Variants in MITF observed in about 807,000 individuals in gnomAD.
The protein encoded by MITF is melanocyte inducing transcription factor.
A neutral mutation model predicts 60.5 loss-of-function variants in MITF; 17 were observed. The observed-to-expected ratio is 0.28, with a 90% CI of 0.19 to 0.42. MITF has a LOEUF of 0.42. Ranked by LOEUF, MITF falls within the 10% of genes least tolerant of loss-of-function variation. The pLI is 1.00. For missense variants in MITF, 622 were observed against 683.5 expected, an observed-to-expected ratio of 0.91 and a Z score of 1.00; for synonymous variants, 260 against 248.5, an observed-to-expected ratio of 1.05 and a Z score of -0.43.
In MITF at chr3:69,878,647, C is replaced by T. The variant is rs1484059313; in HGVS notation, c.105-487C>T. ...AGAAAAATTTCCTCTTGGCAAAGCT[C>T]ACCTTTTCTTTAATCAATATTTGTT... On this transcript the variant is annotated intron_variant, in intron 1 of 9. Coordinates refer to ENST00000352241, the MANE Select transcript of MITF (RefSeq NM_001354604.2). Among the ~76,000 whole-genome samples the T allele has an allele frequency of 2.6e-5, 4 of 152,124 alleles. No individual in the cohort carries two copies. The East Asian group carries it at 7.7e-4, about 29-fold the overall frequency.
At chr3:69,757,403 T>C (rs1246816645) in intron 1 of MITF, among the ~76,000 whole-genome samples, 2 of 152,198 alleles carry the variant, frequency 1.3e-5, no homozygotes, top group Non-Finnish European at 2.9e-5. Context: ...CTTTCTGTGA[T>C]TGAAACAAAA....
intron 9 of MITF, among the ~76,000 whole-genome samples, chr3:69,960,583 C>T (rs1387646111): frequency 6.6e-6 from 1 of 152,138 alleles, no homozygotes; most frequent in African/African-American, 2.4e-5. Context: ...TGAACACAAC[C>T]TATCTGTAAG....
intron 1 of MITF, chr3:69,763,552 C>G: frequency 1.7e-6 from 2 of 1,145,422 alleles, no homozygotes; most frequent in Non-Finnish European, 2.2e-6. Flanking sequence ...ATCACTCTAT[C>G]TCTAATTTAG....
chr3:69,876,689 A>AT (rs1350037235), intron 1 of MITF, among the ~76,000 whole-genome samples: 1 of 152,210 alleles, frequency 6.6e-6, no homozygotes, highest in Non-Finnish European at 1.5e-5. Context: ...GTAGGAAAAC[A>AT]TGAAGGAAAG....
intron 2 of MITF, among the ~76,000 whole-genome samples, chr3:69,924,527 A>G: frequency 6.6e-6 from 1 of 152,186 alleles, no homozygotes; most frequent in East Asian, 1.9e-4. Flanking sequence ...GGTTGTCTCA[A>G]ATTTATACGA....
intron 5 of MITF, among the ~76,000 whole-genome samples, chr3:69,946,538 C>T: frequency 6.6e-6 from 1 of 152,108 alleles, no homozygotes; most frequent in East Asian, 1.9e-4. Flanking sequence ...CTGTAAAAAG[C>T]AGTAAGATGC....
At chr3:69,940,439 C>A (rs1017130799) in intron 4 of MITF, among the ~76,000 whole-genome samples, 3 of 152,202 alleles carry the variant, frequency 2.0e-5, no homozygotes, top group Non-Finnish European at 2.9e-5. Context: ...CTGCAATGCA[C>A]ATGTAATCAC....
chr3:69,819,380 G>A (rs1056613195), intron 1 of MITF, among the ~76,000 whole-genome samples: 1 of 152,158 alleles, frequency 6.6e-6, no homozygotes, highest in South Asian at 2.1e-4. Context: ...ATTTGGAAGC[G>A]CTTAAGCTAG....
chr3:69,882,341 T>C (rs1303950315), intron 2 of MITF, among the ~76,000 whole-genome samples: 1 of 152,152 alleles, frequency 6.6e-6, no homozygotes, highest in East Asian at 1.9e-4. Flanking sequence ...TGAATTTTCC[T>C]TCATATTGAT....
chr3:69,922,516 G>A (rs899208129), intron 2 of MITF, among the ~76,000 whole-genome samples: 6 of 152,056 alleles, frequency 3.9e-5, no homozygotes, highest in African/African-American at 1.2e-4. Context: ...CACCACACCC[G>A]GCCGCCATTG....
chr3:69,812,303 A>T (rs982742420), intron 1 of MITF, among the ~76,000 whole-genome samples: 2 of 152,152 alleles, frequency 1.3e-5, no homozygotes, highest in African/African-American at 4.8e-5. Context: ...GTAATGAAAA[A>T]AAAATAGATT....
Position 69,965,876 on chromosome 3 carries a change from C to T in MITF, c.*628C>T, listed in dbSNP as rs1457110135. The T allele has an allele frequency of 8.2e-5, 19 of 230,558 alleles. No homozygotes were observed. Among genetic ancestry groups the T allele is most frequent in the African/African-American group, 2.2e-5 (1 of 45,138 alleles). The allele number at this position is 230,558 out of a possible 1,614,324, so 14.3% of individuals were successfully genotyped here. A position where few individuals can be genotyped will look rare whatever the true frequency, so the allele number is the denominator to read the frequency against. ...GTTAGAAAACATAACTGATACCAAC[C>T]GAAACTGAAGGGAGTTAGACCAAGG... On this transcript the variant is annotated 3_prime_UTR_variant, in exon 10 of 10. Transcript: ENST00000352241.
intron 1 of MITF, among the ~76,000 whole-genome samples, chr3:69,798,886 C>T (rs1391093210): frequency 6.6e-6 from 1 of 152,220 alleles, no homozygotes; most frequent in Non-Finnish European, 1.5e-5. Flanking sequence ...TTAATACACT[C>T]ATAGGTCCTG....
intron 5 of MITF, among the ~76,000 whole-genome samples, chr3:69,947,214 T>C (rs1383927815): frequency 1.3e-5 from 2 of 152,218 alleles, no homozygotes; most frequent in Non-Finnish European, 2.9e-5. Flanking sequence ...TTTTAGCTTA[T>C]TGCTTTGAAT....
At chr3:69,803,910 G>C (rs2062962846) in intron 1 of MITF, among the ~76,000 whole-genome samples, 1 of 151,334 alleles carries the variant, frequency 6.6e-6, no homozygotes, top group African/African-American at 2.4e-5. Context: ...CCCTTTTTTA[G>C]AAGTGTATAG....
intron 8 of MITF, among the ~76,000 whole-genome samples, chr3:69,958,419 G>A: frequency 6.6e-6 from 1 of 152,132 alleles, no homozygotes; most frequent in East Asian, 1.9e-4. Context: ...CCTCTTATGG[G>A]AGAACTTCTG....
At chr3:69,889,962 G>T (rs1332863049) in intron 2 of MITF, among the ~76,000 whole-genome samples, 1 of 152,060 alleles carries the variant, frequency 6.6e-6, no homozygotes, top group Non-Finnish European at 1.5e-5. Context: ...GCTCAGGAAA[G>T]GATTCTGCTC....
At chr3:69,886,633 G>C (rs1233371954) in intron 2 of MITF, among the ~76,000 whole-genome samples, 1 of 152,186 alleles carries the variant, frequency 6.6e-6, no homozygotes, top group African/African-American at 2.4e-5. Flanking sequence ...AAAGATACAT[G>C]AGCTTAAGCA....
At chr3:69,891,463 C>T (rs562858733) in intron 2 of MITF, among the ~76,000 whole-genome samples, 158 of 152,284 alleles carry the variant, frequency 1.0e-3, no homozygotes, top group African/African-American at 1.1e-3. Flanking sequence ...GCGTCCCCTG[C>T]GACCTCGTTA....
Sources: gnomAD v4.1 joint callset for allele counts (sites outside exome capture counted in the v4.1 genomes callset) on GRCh38, gnomAD v4.1.1 for gene constraint, MANE v1.5 for transcripts, NCBI Gene and HGNC (gene_info 2026-07-23, HGNC 2026-07-21) for gene names.